The following SARS1 variants were observed in gnomAD, a reference collection of about 807,000 sequenced individuals.
SARS1 encodes seryl-tRNA synthetase 1, also known as serine--tRNA ligase, cytoplasmic.
Under a neutral mutation model 63.7 loss-of-function variants are expected in SARS1, and 25 were observed. The observed-to-expected ratio is 0.39, with a 90% CI of 0.29 to 0.55. SARS1 has a LOEUF of 0.55. Among genes scored for constraint, SARS1 ranks in the 20% least tolerant of loss-of-function variants. The pLI, the probability that SARS1 is intolerant of heterozygous loss-of-function variation, is 0.62. For missense variants in SARS1, 417 were observed against 649.7 expected (o/e 0.64, Z 3.89); for synonymous variants, 231 against 243.5 (o/e 0.95, Z 0.48).
intron 6 of SARS1, among the ~76,000 whole-genome samples, chr1:109,234,482 T>C (rs1655271348): frequency 6.6e-6 from 1 of 152,110 alleles, no homozygotes; most frequent in East Asian, 1.9e-4. Context: ...AACAGCAAAG[T>C]ATATTCTTTA....
Position 109,214,254 on chromosome 1 carries a change from T to C in SARS1, c.136+126T>C. The stretch of plus-strand genomic sequence containing the variant: ...AGACCCCCTCCCAGGGTGCGGTGGC[T>C]CCGAGGTTCTCCCCATCCCCGAAAA... On this transcript the variant is annotated intron_variant, in intron 1 of 10. Coordinates refer to ENST00000234677, the MANE Select transcript of SARS1 (RefSeq NM_006513.4). The surrounding 1 kb of genome is among the most constrained non-coding windows in gnomAD (Gnocchi z 4.6). The C allele has an allele frequency of 8.8e-7, 1 of 1,131,368 alleles. No homozygotes were observed. Among genetic ancestry groups the C allele is most frequent in the Non-Finnish European group, 1.2e-6 (1 of 810,096 alleles). The allele number at this position is 1,131,368 out of a possible 1,614,324, so 70.1% of individuals were successfully genotyped here.
At chr1:109,215,159 G>C in intron 1 of SARS1, 1 of 985,378 alleles carries the variant, frequency 1.0e-6, no homozygotes, top group Non-Finnish European at 1.2e-6. Context: ...CTTGAGTTTT[G>C]TGCTGATTCT....
At chr1:109,232,735 C>T (rs584116) in intron 6 of SARS1, among the ~76,000 whole-genome samples, 13 of 151,992 alleles carry the variant, frequency 8.6e-5, no homozygotes, top group Admixed American at 1.3e-4. Flanking sequence ...TTCCTTTACT[C>T]GCTAAAACCT....
At chr1:109,231,898 C>G (rs1347019715) in intron 6 of SARS1, 112 bp downstream of exon 6, 16 of 871,680 alleles carry the variant, frequency 1.8e-5, no homozygotes, top group Admixed American at 4.2e-5. Flanking sequence ...GAAACGTTCT[C>G]TCTCTGTGAC....
chr1:109,237,503 C>CGGGCT lies in SARS1; in HGVS notation c.1387+135_1387+139dup. On this transcript the variant is annotated intron_variant, in intron 10 of 10. Transcript: ENST00000234677. The surrounding 1 kb of genome is among the most constrained non-coding windows in gnomAD (Gnocchi z 4.1). The stretch of plus-strand genomic sequence containing the variant: ...GCCCCTGAAACTCTGTCTGCCCTCT[C>CGGGCT]GGGCTGGGCAGGGCAGGGGGCCTGG... The CGGGCT allele has an allele frequency of 7.1e-7, 1 of 1,415,996 alleles. No individual in the cohort carries two copies. The highest frequency in any genetic ancestry group is 1.2e-5 in the South Asian group (1 of 80,948). The allele number at this position is 1,415,996 out of a possible 1,614,324, so 87.7% of individuals were successfully genotyped here. A position where few individuals can be genotyped will look rare whatever the true frequency, so the allele number is the denominator to read the frequency against.
chr1:109,231,893 G>A lies in SARS1; in HGVS notation c.747+107G>A, dbSNP rs187223910. ...TAGGACTTTCTGCGATGATGGAAAC[G>A]TTCTCTCTCTGTGACTCTTGAGCAC... On this transcript the variant is annotated intron_variant, in intron 6 of 10. Coordinates refer to ENST00000234677, the MANE Select transcript of SARS1 (RefSeq NM_006513.4). 16 of 966,052 alleles carry A rather than the reference G, an allele frequency of 1.7e-5. No individual in the cohort carries two copies. In the East Asian group the frequency reaches 3.8e-4, roughly 23 times the overall value. The allele number at this position is 966,052 out of a possible 1,614,324, so 59.8% of individuals were successfully genotyped here.
At position 109,214,228 on chromosome 1, in the gene SARS1, C is replaced by T. The variant is rs1156623816; in HGVS notation, c.136+100C>T. ...TGAGGCCACAGCTTCCACCCTTCGT[C>T]AGACCCCCTCCCAGGGTGCGGTGGC... On this transcript the variant is annotated intron_variant, in intron 1 of 10. Coordinates refer to ENST00000234677, the MANE Select transcript of SARS1 (RefSeq NM_006513.4). This position sits in a 1 kb window ranked among gnomAD's most constrained non-coding sequence, Gnocchi z 4.6. The T allele has an allele frequency of 2.4e-5, 33 of 1,394,044 alleles. No homozygotes were observed. In the Admixed American group the frequency reaches 7.4e-4, roughly 31 times the overall value. 86.4% of individuals were successfully genotyped at this position (1,394,044 alleles called of 1,614,324 possible). A position where few individuals can be genotyped will look rare whatever the true frequency, so the allele number is the denominator to read the frequency against.
At chr1:109,213,905 T>C, upstream of SARS1, 1 of 1,454,668 alleles carries the variant, frequency 6.9e-7, no homozygotes, top group Non-Finnish European at 9.1e-7. Context: ...GAAGGGCGGG[T>C]CAGCGCGCCG....
Position 109,235,303 on chromosome 1 carries a change from C to T in SARS1, c.841C>T (p.Arg281Trp). The change falls in exon 7 of 11, where the codon CGG (arginine) becomes TGG (tryptophan). Residue 281 changes from arginine to tryptophan, a missense_variant. Arg to Trp is a moderately radical substitution (Grantham distance 101, BLOSUM62 -3). Transcript: ENST00000234677. The surrounding 1 kb of genome is among the most constrained non-coding windows in gnomAD (Gnocchi z 4.7). Reference sequence around the variant, plus strand: ...AGAGCAGCCCATTGCTGCCCTGCACCGGGATGAGTGGCTCCGGCCGGAGGA... The same window carrying T: ...AGAGCAGCCCATTGCTGCCCTGCACTGGGATGAGTGGCTCCGGCCGGAGGA... ...TSEQPIAALH[R>W]DEWLRPEDLP... The T allele has an allele frequency of 6.2e-7, 1 of 1,613,870 alleles. No homozygotes were observed. Among genetic ancestry groups the T allele is most frequent in the East Asian group, 2.2e-5 (1 of 44,872 alleles).
At chr1:109,229,374 C>T in intron 3 of SARS1, 40 bp from the exon 4 acceptor site, 3 of 1,602,922 alleles carry the variant, frequency 1.9e-6, no homozygotes, top group Non-Finnish European at 2.6e-6. Context: ...CTGTCCTTGC[C>T]TCACTGTCCT....
intron 1 of SARS1, among the ~76,000 whole-genome samples, chr1:109,220,649 T>C (rs1488177353): frequency 6.6e-6 from 1 of 152,200 alleles, no homozygotes; most frequent in Non-Finnish European, 1.5e-5. Flanking sequence ...TCCTCTCCCA[T>C]TCTGTGGCTT....
rs1654733346 is a variant in SARS1 at position 109,214,259 on chromosome 1, G to A, written c.136+131G>A. On this transcript the variant is annotated intron_variant, in intron 1 of 10. Coordinates refer to ENST00000234677, the MANE Select transcript of SARS1 (RefSeq NM_006513.4). The surrounding 1 kb of genome is among the most constrained non-coding windows in gnomAD (Gnocchi z 4.6). Reference sequence around the variant, plus strand: ...CCCTCCCAGGGTGCGGTGGCTCCGAGGTTCTCCCCATCCCCGAAAACACAG... The same window carrying A: ...CCCTCCCAGGGTGCGGTGGCTCCGAAGTTCTCCCCATCCCCGAAAACACAG... The A allele has an allele frequency of 8.9e-7, 1 of 1,124,726 alleles. No individual in the cohort carries two copies. The highest frequency in any genetic ancestry group is 1.2e-6 in the Non-Finnish European group (1 of 805,024). The allele number at this position is 1,124,726 out of a possible 1,614,324, so 69.7% of individuals were successfully genotyped here. A position where few individuals can be genotyped will look rare whatever the true frequency, so the allele number is the denominator to read the frequency against.
Position 109,214,028 on chromosome 1 carries a change from A to C in SARS1, c.36A>C (p.Lys12Asn), listed in dbSNP as rs956299438. The change falls in exon 1 of 11, where the codon AAA becomes AAC. Residue 12 changes from lysine to asparagine, a missense_variant. Physicochemically the swap from Lys to Asn is moderately conservative, Grantham distance 94. Around this residue, in one of 3 missense-constraint regions of SARS1, gnomAD observed 359 missense variants for 529.6 expected, o/e 0.68. Transcript: ENST00000234677. This position sits in a 1 kb window ranked among gnomAD's most constrained non-coding sequence, Gnocchi z 4.6. ...ATCTGGATTTGTTTCGGGTGGATAA[A>C]GGAGGGGACCCAGCCCTCATCCGAG... ...VLDLDLFRVD[K>N]GGDPALIRET... 6.2e-7 allele frequency: 1 copy of C among 1,613,842 alleles called. No individual in the cohort carries two copies. The highest frequency in any genetic ancestry group is 8.5e-7 in the Non-Finnish European group (1 of 1,179,904).
intron 4 of SARS1, 70 bp from the exon 5 acceptor site, chr1:109,230,808 A>G: frequency 7.0e-7 from 1 of 1,437,818 alleles, no homozygotes; most frequent in South Asian, 1.3e-5. Context: ...CTGTCTCCAA[A>G]AAAAAAAAAT....
At chr1:109,230,048 G>A (rs571533280) in intron 4 of SARS1, among the ~76,000 whole-genome samples, 1 of 152,188 alleles carries the variant, frequency 6.6e-6, no homozygotes, top group South Asian at 2.1e-4. Context: ...TTCATTCCCT[G>A]GTGAACATTA....
At chr1:109,226,672 A>AT (rs1271148875) in intron 2 of SARS1, among the ~76,000 whole-genome samples, 32 of 45,796 alleles carry the variant, frequency 7.0e-4, no homozygotes, top group African/African-American at 2.0e-3. Flanking sequence ...TTAAAAAAAA[A>AT]AAAAAATATA....
chr1:109,222,535 A>G (rs1158084655), intron 1 of SARS1, among the ~76,000 whole-genome samples: 2 of 152,182 alleles, frequency 1.3e-5, no homozygotes, highest in Non-Finnish European at 2.9e-5. Flanking sequence ...CCTAGCAACC[A>G]CTAATCTATT....
Position 109,224,063 on chromosome 1 carries a change from TAACA to T in SARS1, c.207+20_207+23del, listed in dbSNP as rs1229976363. On this transcript the variant is annotated intron_variant, in intron 2 of 10. Coordinates refer to ENST00000234677, the MANE Select transcript of SARS1 (RefSeq NM_006513.4). ...AGAAAATGAAGGTAAGAGAACTGAA[TAACA>T]AACAGCCATGAGAACTTGAGCGGAG... 1.9e-6 allele frequency: 3 copies of T among 1,584,058 alleles called. No individual in the cohort carries two copies. The highest frequency in any genetic ancestry group is 2.6e-6 in the Non-Finnish European group (3 of 1,152,622).
In SARS1 at chr1:109,227,752, A is replaced by C. The variant is rs978752393; in HGVS notation, c.208-600A>C. On this transcript the variant is annotated intron_variant, in intron 2 of 10. Transcript: ENST00000234677. ...CCTATCTCTATTAAAAATACAAAAA[A>C]AAAAAAGGAAAAAAAAATTAGCCAG... 3.3e-5 allele frequency among the ~76,000 whole-genome samples: 5 copies of C among 151,892 alleles called. No individual in the cohort carries two copies. The South Asian group carries it at 6.2e-4, about 19-fold the overall frequency.
Sources: gnomAD v4.1 joint callset for allele counts (sites outside exome capture counted in the v4.1 genomes callset) on GRCh38, gnomAD v4.1.1 for gene constraint, gnomAD v4.1.1 regional missense constraint, Gnocchi (gnomAD v3.1) non-coding constraint, MANE v1.5 for transcripts, NCBI Gene and HGNC (gene_info 2026-07-23, HGNC 2026-07-21) for gene names.